The following SLC9A9 variants were observed in gnomAD, a reference collection of about 807,000 sequenced individuals.
SLC9A9 encodes solute carrier family 9 member A9.
A neutral mutation model predicts 77.8 loss-of-function variants in SLC9A9; 62 were observed. The ratio of observed to expected loss-of-function variants is 0.80; its 90% CI spans 0.65 to 0.98. SLC9A9 has a LOEUF of 0.98. SLC9A9 is among the 50% of genes least tolerant of loss of function. The pLI, the probability that SLC9A9 is intolerant of heterozygous loss-of-function variation, is 0.00. For synonymous variants in SLC9A9, 320 were observed against 283.5 expected (o/e 1.13, Z -1.29); for missense variants, 775 against 774.9 (o/e 1.00, Z 0.00).
chr3:143,784,692 T>C (rs1314734464), intron 4 of SLC9A9, among the ~76,000 whole-genome samples: 1 of 152,112 alleles, frequency 6.6e-6, no homozygotes, highest in Non-Finnish European at 1.5e-5. Flanking sequence ...GTTCTTACCT[T>C]GATATCTCTG....
chr3:143,421,808 C>A (rs1353485369), intron 12 of SLC9A9, among the ~76,000 whole-genome samples: 1 of 152,124 alleles, frequency 6.6e-6, no homozygotes, highest in Non-Finnish European at 1.5e-5. Flanking sequence ...AGGCCACCCA[C>A]AGAATAGGAG....
chr3:143,640,726 T>A (rs1421069626), intron 6 of SLC9A9, among the ~76,000 whole-genome samples: 1 of 151,874 alleles, frequency 6.6e-6, no homozygotes, highest in East Asian at 1.9e-4. Context: ...CCTGGTGTGG[T>A]CTGTGGTCCC....
intron 9 of SLC9A9, among the ~76,000 whole-genome samples, chr3:143,550,861 T>A (rs2036869141): frequency 6.6e-6 from 1 of 152,154 alleles, no homozygotes; most frequent in South Asian, 2.1e-4. Flanking sequence ...ACTACAATGA[T>A]CTTAAAATTA....
intron 4 of SLC9A9, among the ~76,000 whole-genome samples, chr3:143,701,082 A>C (rs987393013): frequency 2.6e-5 from 4 of 152,256 alleles, no homozygotes; most frequent in Admixed American, 6.5e-5. Context: ...GTCTGCAAGA[A>C]CCACAATGTT....
intron 12 of SLC9A9, among the ~76,000 whole-genome samples, chr3:143,415,135 G>A (rs1199655020): frequency 6.6e-6 from 1 of 152,222 alleles, no homozygotes; most frequent in Non-Finnish European, 1.5e-5. Context: ...GGAAACTGCA[G>A]AAGAAAAGTT....
At chr3:143,369,765 A>T (rs1165524269) in intron 13 of SLC9A9, among the ~76,000 whole-genome samples, 3 of 152,222 alleles carry the variant, frequency 2.0e-5, no homozygotes, top group Non-Finnish European at 2.9e-5. Flanking sequence ...AGCAGAAATG[A>T]TGGTGTGTCA....
intron 4 of SLC9A9, among the ~76,000 whole-genome samples, chr3:143,752,724 G>A (rs2006775596): frequency 6.6e-6 from 1 of 151,544 alleles, no homozygotes; most frequent in South Asian, 2.1e-4. Flanking sequence ...CTCTGAAAAG[G>A]GCTTTGTACT....
chr3:143,359,193 C>T (rs1171517678), intron 14 of SLC9A9, among the ~76,000 whole-genome samples: 2 of 152,200 alleles, frequency 1.3e-5, no homozygotes, highest in Non-Finnish European at 2.9e-5. Flanking sequence ...TGCTTGCTTG[C>T]TTAATTGATT....
intron 4 of SLC9A9, among the ~76,000 whole-genome samples, chr3:143,744,023 C>T (rs1053645852): frequency 6.6e-6 from 1 of 152,128 alleles, no homozygotes; most frequent in African/African-American, 2.4e-5. Flanking sequence ...TCTATGGATG[C>T]AGGTGACGAG....
At chr3:143,599,312 A>G (rs2037807710) in intron 6 of SLC9A9, among the ~76,000 whole-genome samples, 2 of 152,262 alleles carry the variant, frequency 1.3e-5, no homozygotes, top group South Asian at 4.1e-4. Context: ...GCATTGAATT[A>G]TAAACAGTAT....
chr3:143,818,808 G>T (rs1045437908), intron 2 of SLC9A9, among the ~76,000 whole-genome samples: 65 of 152,186 alleles, frequency 4.3e-4, no homozygotes, highest in African/African-American at 1.6e-3. Flanking sequence ...TCGGCCAGGC[G>T]CGGTGGCTCA....
chr3:143,466,420 G>T (rs1459494431), intron 12 of SLC9A9, among the ~76,000 whole-genome samples: 2 of 152,176 alleles, frequency 1.3e-5, no homozygotes, highest in East Asian at 3.8e-4. Context: ...CTGTCAAATT[G>T]TCTGCTCCTC....
chr3:143,340,270 A>AGG (rs2032056376), intron 14 of SLC9A9, among the ~76,000 whole-genome samples: 2 of 152,186 alleles, frequency 1.3e-5, no homozygotes, highest in Non-Finnish European at 2.9e-5. Context: ...AATAAATAAA[A>AGG]CAGTAGGCAG....
At chr3:143,312,094 G>T (rs2031038270) in intron 14 of SLC9A9, among the ~76,000 whole-genome samples, 1 of 152,188 alleles carries the variant, frequency 6.6e-6, no homozygotes, top group Admixed American at 6.5e-5. Flanking sequence ...AAGTTACAGG[G>T]ATTCAAAACA....
At chr3:143,515,065 A>G (rs1164541877) in intron 9 of SLC9A9, among the ~76,000 whole-genome samples, 1 of 152,174 alleles carries the variant, frequency 6.6e-6, no homozygotes, top group Non-Finnish European at 1.5e-5. Flanking sequence ...TTAAACACTC[A>G]GAGGCTATTT....
chr3:143,337,413 C>A (rs1213034627), intron 14 of SLC9A9, among the ~76,000 whole-genome samples: 1 of 152,154 alleles, frequency 6.6e-6, no homozygotes, highest in Non-Finnish European at 1.5e-5. Context: ...TGCCTACTTC[C>A]AAAGAGTTAA....
intron 12 of SLC9A9, among the ~76,000 whole-genome samples, chr3:143,425,568 A>G (rs986437516): frequency 6.6e-6 from 1 of 152,134 alleles, no homozygotes; most frequent in Non-Finnish European, 1.5e-5. Context: ...CTCCTTGGGT[A>G]CTTAATGTCA....
chr3:143,721,579 T>C (rs942299465), intron 4 of SLC9A9, among the ~76,000 whole-genome samples: 2 of 152,070 alleles, frequency 1.3e-5, no homozygotes, highest in African/African-American at 4.8e-5. Context: ...AGTCCTCCCC[T>C]GGGCACTCAG....
intron 2 of SLC9A9, among the ~76,000 whole-genome samples, chr3:143,825,490 C>T (rs1053608696): frequency 1.3e-5 from 2 of 151,880 alleles, no homozygotes; most frequent in Non-Finnish European, 2.9e-5. Flanking sequence ...AACAAAATTA[C>T]TTTTAAAAGT....
Sources: allele counts gnomAD v4.1 joint callset (sites outside exome capture counted in the v4.1 genomes callset), GRCh38; gene constraint gnomAD v4.1.1; transcripts MANE v1.5; gene names NCBI Gene and HGNC (gene_info 2026-07-23, HGNC 2026-07-21).